Variants in TOP1MT observed in about 807,000 individuals in gnomAD.
The protein encoded by TOP1MT is DNA topoisomerase I, mitochondrial.
Under a neutral mutation model 73.9 loss-of-function variants are expected in TOP1MT, and 80 were observed. The ratio of observed to expected loss-of-function variants is 1.08; its 90% CI spans 0.90 to 1.30. TOP1MT has a LOEUF of 1.30. Among genes scored for constraint, TOP1MT ranks in the 50% most tolerant of loss-of-function variants. TOP1MT has a pLI of 0.00. For missense variants in TOP1MT, 815 were observed against 808.0 expected (o/e 1.01, Z -0.10); for synonymous variants, 338 against 326.4 (o/e 1.04, Z -0.38).
chr8:143,331,091 CAAG>C (rs907412426), intron 2 of TOP1MT, 130 bp downstream of exon 2: 2 of 651,822 alleles, frequency 3.1e-6, no homozygotes, highest in East Asian at 2.8e-5. Context: ...GCATCACCTG[CAAG>C]AAGAGGGCAC....
At chr8:143,354,141 G>A (rs561976415) in intron 1 of TOP1MT, among the ~76,000 whole-genome samples, 8 of 151,850 alleles carry the variant, frequency 5.3e-5, no homozygotes, top group African/African-American at 1.7e-4. Flanking sequence ...ATAGCCCTAC[G>A]GTACAAACAA....
intron 1 of TOP1MT, chr8:143,332,444 C>T (rs1419748736): frequency 1.6e-6 from 2 of 1,261,142 alleles, no homozygotes; most frequent in African/African-American, 1.5e-5. Context: ...TCTGAGCCTC[C>T]CCCAGACGCA....
intron 12 of TOP1MT, among the ~76,000 whole-genome samples, chr8:143,313,118 AC>A (rs1197567350): frequency 6.6e-6 from 1 of 152,200 alleles, no homozygotes; most frequent in Non-Finnish European, 1.5e-5. Flanking sequence ...AGAACCAATG[AC>A]CTAAATGTAA....
intron 3 of TOP1MT, among the ~76,000 whole-genome samples, chr8:143,326,703 C>T (rs991811829): frequency 2.0e-5 from 3 of 152,218 alleles, no homozygotes; most frequent in South Asian, 2.1e-4. Flanking sequence ...ACCCGGATGA[C>T]GACCGCACTA....
chr8:143,315,835 G>T lies in TOP1MT; in HGVS notation c.1459-14C>A. ...CTTTGCCTGGATCTGCAGGAAAAGG[G>T]TCCAGACAGGGCTGCCCCTCCCCAT... On this transcript the variant is annotated splice_polypyrimidine_tract_variant and intron_variant, in intron 11 of 13. Transcript: ENST00000329245. The T allele has an allele frequency of 6.2e-7, 1 of 1,612,384 alleles. No individual in the cohort carries two copies. Among genetic ancestry groups the T allele is most frequent in the African/African-American group, 1.3e-5 (1 of 75,054 alleles).
At chr8:143,348,439 C>T (rs1817264527), upstream of TOP1MT, among the ~76,000 whole-genome samples, 1 of 152,316 alleles carries the variant, frequency 6.6e-6, no homozygotes. This position sits in a 1 kb window ranked among gnomAD's most constrained non-coding sequence, Gnocchi z 4.6. Flanking sequence ...TTCTGTCCCA[C>T]ACTCACCTGA....
At chr8:143,336,620 C>G (rs1816986029), upstream of TOP1MT, among the ~76,000 whole-genome samples, 1 of 152,028 alleles carries the variant, frequency 6.6e-6, no homozygotes, top group Non-Finnish European at 1.5e-5. Flanking sequence ...ACACCCAGAT[C>G]AGAAAGAAAG....
At chr8:143,335,702 G>A (rs1259597783), upstream of TOP1MT, among the ~76,000 whole-genome samples, 4 of 152,244 alleles carry the variant, frequency 2.6e-5, no homozygotes, top group Admixed American at 6.5e-5. Flanking sequence ...CACCAGGACC[G>A]TGGGAAGCAG....
At chr8:143,317,859 A>C (rs746117123) in intron 9 of TOP1MT, 22 bp from the exon 10 acceptor site, 11 of 1,612,640 alleles carry the variant, frequency 6.8e-6, no homozygotes, top group Non-Finnish European at 9.3e-6. Context: ...AATGGTCTCT[A>C]TAATTACGTG....
intron 5 of TOP1MT, 142 bp downstream of exon 5, chr8:143,325,204 G>A: frequency 1.2e-6 from 1 of 809,836 alleles, no homozygotes; most frequent in Admixed American, 3.0e-5. Context: ...CACGCCTACA[G>A]GCTGAGCTCC....
At chr8:143,356,785 C>CAAAA (rs1161995816), upstream of TOP1MT, among the ~76,000 whole-genome samples, 3 of 25,954 alleles carry the variant, frequency 1.2e-4, no homozygotes, top group African/African-American at 4.1e-4. Context: ...GACTCTGTCT[C>CAAAA]AAAAAAAAAA....
intron 8 of TOP1MT, among the ~76,000 whole-genome samples, chr8:143,320,775 C>T (rs1340124088): frequency 6.6e-6 from 1 of 152,174 alleles, no homozygotes; most frequent in African/African-American, 2.4e-5. Context: ...TCCGTGGCCC[C>T]ACCAGATGCT....
At chr8:143,339,606 A>G (rs1038468294), upstream of TOP1MT, among the ~76,000 whole-genome samples, 1 of 152,228 alleles carries the variant, frequency 6.6e-6, no homozygotes, top group African/African-American at 2.4e-5. Flanking sequence ...TGCCGATGCA[A>G]GAGGGCACTC....
At chr8:143,313,824 C>T (rs1057234979) in intron 12 of TOP1MT, among the ~76,000 whole-genome samples, 16 of 150,870 alleles carry the variant, frequency 1.1e-4, no homozygotes, top group Non-Finnish European at 2.1e-4. Context: ...CATTGCACTC[C>T]AGCCTTGGCG....
intron 7 of TOP1MT, among the ~76,000 whole-genome samples, chr8:143,322,651 ACAC>A (rs1436362947): frequency 2.6e-5 from 2 of 77,718 alleles, no homozygotes; most frequent in Admixed American, 1.4e-4. Context: ...CGCCACACGC[ACAC>A]CACACACGCA....
chr8:143,309,700 C>T (rs367739663), intron 13 of TOP1MT, 157 bp from the exon 14 acceptor site: 278 of 1,515,360 alleles, frequency 1.8e-4, no homozygotes, highest in East Asian at 1.6e-3. Flanking sequence ...CCCCACCCCA[C>T]GCATGCCGCC....
rs1038187148 is a variant in TOP1MT at position 143,324,560 on chromosome 8, C to T, written c.741G>A (p.Thr247=). 6.2e-6 allele frequency: 10 copies of T among 1,613,712 alleles called. No individual in the cohort carries two copies. Among genetic ancestry groups the T allele is most frequent in the East Asian group, 2.2e-5 (1 of 44,904 alleles). Residue 247 remains threonine, a synonymous_variant, in exon 6 of 14, where the codon ACG becomes ACA. Transcript: ENST00000329245. The part of the protein sequence containing the change: ...WKEVRSDNTV[T]WLAAWTESVQ... Reference sequence around the variant, plus strand: ...CGCTCTCGGTCCAAGCTGCCAGCCACGTGACGGTGTTATCGGAGCGCACCT... The same window carrying T: ...CGCTCTCGGTCCAAGCTGCCAGCCATGTGACGGTGTTATCGGAGCGCACCT...
chr8:143,352,584 C>T (rs1817336292), intron 1 of TOP1MT, among the ~76,000 whole-genome samples: 1 of 152,214 alleles, frequency 6.6e-6, no homozygotes, highest in African/African-American at 2.4e-5. Flanking sequence ...TAGAAAAAAA[C>T]ATAGGTATAA....
At chr8:143,315,485 A>G (rs1816131988) in intron 12 of TOP1MT, among the ~76,000 whole-genome samples, 1 of 151,988 alleles carries the variant, frequency 6.6e-6, no homozygotes, top group Admixed American at 6.6e-5. Flanking sequence ...TGCTTTGTAT[A>G]CAATAAATAA....
Sources: allele counts gnomAD v4.1 joint callset (sites outside exome capture counted in the v4.1 genomes callset), GRCh38; gene constraint gnomAD v4.1.1; non-coding constraint Gnocchi (gnomAD v3.1); transcripts MANE v1.5; gene names NCBI Gene and HGNC (gene_info 2026-07-23, HGNC 2026-07-21).